The following ABCG1 variants were observed in gnomAD, a reference collection of about 807,000 sequenced individuals.
ABCG1 encodes ATP binding cassette subfamily G member 1, also known as ATP-binding cassette sub-family G member 1.
Under a neutral mutation model 69.2 loss-of-function variants are expected in ABCG1, and 29 were observed. The ratio of observed to expected loss-of-function variants is 0.42; its 90% CI spans 0.31 to 0.57. The LOEUF (loss-of-function observed/expected upper bound fraction) is 0.57. ABCG1 is among the 20% of genes least tolerant of loss of function. The pLI is 0.15. For missense variants in ABCG1, 718 were observed against 898.1 expected (o/e 0.80, Z 2.56); for synonymous variants, 370 against 374.8 (o/e 0.99, Z 0.15).
At chr21:42,285,778 T>G (rs2068927948) in intron 7 of ABCG1, 102 bp from the exon 8 acceptor site, 1 of 811,796 alleles carries the variant, frequency 1.2e-6, no homozygotes, top group African/African-American at 1.7e-5. Flanking sequence ...CTGGGCTGAC[T>G]GATTGATCGG....
intron 2 of ABCG1, chr21:42,256,220 C>A: frequency 1.4e-6 from 2 of 1,449,660 alleles, no homozygotes; most frequent in South Asian, 2.9e-5. Context: ...AGTGGTTTCC[C>A]ATACAAGAAA....
intron 2 of ABCG1, among the ~76,000 whole-genome samples, chr21:42,205,597 CAA>C (rs538097170): frequency 2.6e-5 from 3 of 117,638 alleles, no homozygotes; most frequent in Non-Finnish European, 5.5e-5. Flanking sequence ...GACTCCATCT[CAA>C]AAAAAAAAAA....
chr21:42,296,610 T>A lies in ABCG1; in HGVS notation c.*218T>A. 1.8e-6 allele frequency: 1 copy of A among 553,634 alleles called. No homozygotes were observed. Among genetic ancestry groups the A allele is most frequent in the Non-Finnish European group, 3.2e-6 (1 of 310,060 alleles). The allele number at this position is 553,634 out of a possible 1,614,324, so 34.3% of individuals were successfully genotyped here. A position where few individuals can be genotyped will look rare whatever the true frequency, so the allele number is the denominator to read the frequency against. On this transcript the variant is annotated 3_prime_UTR_variant, in exon 15 of 15. Coordinates refer to ENST00000398449, the MANE Select transcript of ABCG1 (RefSeq NM_016818.3). The surrounding 1 kb of genome is among the most constrained non-coding windows in gnomAD (Gnocchi z 5.4). ...CTTTCTAGCTTTAACTAGGAAGATG[T>A]AGGCAGATTGGTGGTTTTTTTTTTT...
intron 1 of ABCG1, among the ~76,000 whole-genome samples, chr21:42,220,280 A>C (rs2067702999): frequency 6.6e-6 from 1 of 152,200 alleles, no homozygotes; most frequent in Admixed American, 6.5e-5. Flanking sequence ...TACTTCCCCG[A>C]GGCTGTAAGC....
rs373746295 is a variant in ABCG1 at position 42,288,079 on chromosome 21, G to A, written c.1122+42G>A. 58 of 1,604,124 alleles carry A rather than the reference G, an allele frequency of 3.6e-5. No individual in the cohort carries two copies. Among genetic ancestry groups the A allele is most frequent in the Non-Finnish European group, 3.2e-5 (38 of 1,172,440 alleles). On this transcript the variant is annotated intron_variant, in intron 9 of 14. Coordinates refer to ENST00000398449, the MANE Select transcript of ABCG1 (RefSeq NM_016818.3). This position sits in a 1 kb window ranked among gnomAD's most constrained non-coding sequence, Gnocchi z 4.8. ...GATTAAAGGGGTTGAGAAAGGTAAT[G>A]CAAATCCCGAAGCCCCCTGGGGGAG...
chr21:42,209,152 T>C (rs943491152), intron 2 of ABCG1, among the ~76,000 whole-genome samples: 1 of 152,126 alleles, frequency 6.6e-6, no homozygotes, highest in Non-Finnish European at 1.5e-5. Context: ...TTTGGAGCCA[T>C]GGAGAGTTGA....
At chr21:42,247,956 G>A (rs966769110) in intron 2 of ABCG1, among the ~76,000 whole-genome samples, 8 of 152,242 alleles carry the variant, frequency 5.3e-5, no homozygotes, top group Admixed American at 2.0e-4. Context: ...GTGGCATCGC[G>A]GACATCTCGA....
chr21:42,253,000 A>AGAG lies in ABCG1; in HGVS notation c.287-18069_287-18067dup, dbSNP rs747476659. ...TGTGTTCTGCAGAGCACCTGGCAGG[A>AGAG]GAGACTCGCCTTCCCAGTCTCGGCA... On this transcript the variant is annotated intron_variant, in intron 2 of 14. Transcript: ENST00000398449. Among the ~76,000 whole-genome samples the AGAG allele has an allele frequency of 8.5e-5, 13 of 152,218 alleles. 1 individual carries two copies. Among genetic ancestry groups the AGAG allele is most frequent in the East Asian group, 1.9e-4 (1 of 5,170 alleles).
intron 13 of ABCG1, 70 bp from the exon 14 acceptor site, chr21:42,294,472 G>A: frequency 7.8e-6 from 10 of 1,279,448 alleles, no homozygotes; most frequent in Non-Finnish European, 1.0e-5. Flanking sequence ...AGCTGGCGTG[G>A]GCGAGCCTCC....
At chr21:42,208,700 T>G (rs2067562826) in intron 2 of ABCG1, among the ~76,000 whole-genome samples, 1 of 152,236 alleles carries the variant, frequency 6.6e-6, no homozygotes, top group Admixed American at 6.5e-5. Flanking sequence ...ATTTTCTTTT[T>G]TTCATGTAGC....
At chr21:42,256,255 A>T (rs1467629430) in intron 2 of ABCG1, 13 of 1,491,036 alleles carry the variant, frequency 8.7e-6, no homozygotes, top group Middle Eastern at 1.7e-4. Flanking sequence ...AACAGACAGA[A>T]CACTTACCTG....
intron 2 of ABCG1, chr21:42,259,435 A>T (rs1569223509): frequency 6.5e-7 from 1 of 1,549,644 alleles, no homozygotes; most frequent in Non-Finnish European, 8.7e-7. Context: ...CTTCAGGGAA[A>T]AAGGGTGCCG....
chr21:42,249,349 AAAGT>A (rs1248323981), intron 2 of ABCG1, among the ~76,000 whole-genome samples: 2 of 152,144 alleles, frequency 1.3e-5, no homozygotes, highest in Non-Finnish European at 2.9e-5. Flanking sequence ...ATCTGCACAG[AAAGT>A]AAGTGTCATA....
chr21:42,219,123 G>T, upstream of ABCG1: 1 of 791,882 alleles, frequency 1.3e-6, no homozygotes, highest in Non-Finnish European at 1.6e-6. The surrounding 1 kb of genome is among the most constrained non-coding windows in gnomAD (Gnocchi z 5.3). Context: ...AACCAGAGCC[G>T]GAGCCGGATC....
At chr21:42,200,689 A>G (rs2067499674) in intron 1 of ABCG1, among the ~76,000 whole-genome samples, 1 of 150,534 alleles carries the variant, frequency 6.6e-6, no homozygotes, top group Non-Finnish European at 1.5e-5. Flanking sequence ...CCTGGGTTCA[A>G]GTGATTCTCC....
At chr21:42,235,102 TCTC>T (rs887063192) in intron 2 of ABCG1, among the ~76,000 whole-genome samples, 5 of 152,138 alleles carry the variant, frequency 3.3e-5, no homozygotes, top group African/African-American at 9.7e-5. Context: ...GTGCTGGTGT[TCTC>T]CTCCCCAGGT....
chr21:42,274,227 C>T (rs975444765), intron 4 of ABCG1, among the ~76,000 whole-genome samples: 1 of 152,246 alleles, frequency 6.6e-6, no homozygotes, highest in African/African-American at 2.4e-5. Context: ...TTCTGACATG[C>T]AGTTGGTGCC....
intron 2 of ABCG1, among the ~76,000 whole-genome samples, chr21:42,230,383 C>T (rs1381362969): frequency 2.0e-5 from 3 of 152,224 alleles, no homozygotes; most frequent in East Asian, 1.9e-4. Flanking sequence ...AATTCACTCA[C>T]GTAGCTTGTG....
Position 42,276,149 on chromosome 21 carries a change from G to T in ABCG1, c.538-746G>T, listed in dbSNP as rs923391311. Among the ~76,000 whole-genome samples the T allele has an allele frequency of 3.3e-5, 5 of 152,210 alleles. No individual in the cohort carries two copies. Among genetic ancestry groups the T allele is most frequent in the African/African-American group, 1.2e-4 (5 of 41,444 alleles). On this transcript the variant is annotated intron_variant, in intron 4 of 14. Transcript: ENST00000398449. This position sits in a 1 kb window ranked among gnomAD's most constrained non-coding sequence, Gnocchi z 5.3. ...TTGCCCAAGGCCACGGGAGGCAGGA[G>T]GGTGGAAGCAAGGCCCGTCCTGTGC... is the stretch of plus-strand genomic sequence containing the variant.
Sources: gnomAD v4.1 joint callset for allele counts (sites outside exome capture counted in the v4.1 genomes callset) on GRCh38, gnomAD v4.1.1 for gene constraint, Gnocchi (gnomAD v3.1) non-coding constraint, MANE v1.5 for transcripts, NCBI Gene and HGNC (gene_info 2026-07-23, HGNC 2026-07-21) for gene names.